ALX3: variants seen among roughly 807,000 people sequenced by gnomAD.
ALX3 encodes homeobox protein aristaless-like 3.
In ALX3, 17 loss-of-function variants were observed where a neutral mutation model predicts 26.3. The ratio of observed to expected loss-of-function variants is 0.65; its 90% confidence interval spans 0.44 to 0.97. ALX3 has a LOEUF of 0.97. Among genes scored for constraint, ALX3 ranks in the 50% least tolerant of loss-of-function variants. ALX3 has a pLI of 0.00. For missense variants in ALX3, 461 were observed against 466.5 expected, an observed-to-expected ratio of 0.99 and a Z score of 0.11; for synonymous variants, 208 against 201.4, an observed-to-expected ratio of 1.03 and a Z score of -0.28.
chr1:110,069,514 C>T (rs1390147760), intron 1 of ALX3, among the ~76,000 whole-genome samples: 2 of 152,162 alleles, frequency 1.3e-5, no homozygotes, highest in Non-Finnish European at 2.9e-5. Flanking sequence ...TTCTCGGATG[C>T]CGGCGCGGTC....
chr1:110,064,633 C>A lies in ALX3; in HGVS notation c.548G>T (p.Arg183Leu), dbSNP rs776355454. 1.2e-6 allele frequency: 2 copies of A among 1,614,144 alleles called. No individual in the cohort carries two copies. The highest frequency in any genetic ancestry group is 1.7e-6 in the Non-Finnish European group (2 of 1,180,038). The change falls in exon 2 of 4, where the codon CGG becomes CTG. Residue 183 changes from arginine (R) to leucine (L), a missense_variant. Arg to Leu is a moderately radical substitution (Grantham distance 102). This residue lies in a region of ALX3 where 51 missense variants were observed against 82.4 expected (regional missense o/e 0.62). Transcript: ENST00000647563. Reference sequence around the variant, plus strand: ...GTCTGTGCGCAGGGCCAGCTGCTCCCGGGCATACACATCAGGATAGTGGGT... The same window carrying A: ...GTCTGTGCGCAGGGCCAGCTGCTCCAGGGCATACACATCAGGATAGTGGGT... ...QKTHYPDVYAREQLALRTDLT... is the reference protein window; with the variant it reads ...QKTHYPDVYALEQLALRTDLT...
rs949335707 is a variant in ALX3, at chr1:110,070,671, G to A, written c.-59C>T. 6 of 1,179,228 alleles carry A rather than the reference G, an allele frequency of 5.1e-6. No homozygotes were observed. Among genetic ancestry groups the A allele is most frequent in the Non-Finnish European group, 6.3e-6 (6 of 955,208 alleles). The allele number at this position is 1,179,228 out of a possible 1,614,324, so 73.0% of individuals were successfully genotyped here. Reference sequence around the variant, plus strand: ...GGGGCTCGCGCTGCCCGCGCCGCCTGTGAGCGCCCGCCAAGGGGGAGGGAC... The same window carrying A: ...GGGGCTCGCGCTGCCCGCGCCGCCTATGAGCGCCCGCCAAGGGGGAGGGAC... On this transcript the variant is annotated 5_prime_UTR_variant, in exon 1 of 4. Coordinates refer to ENST00000647563, the MANE Select transcript of ALX3 (RefSeq NM_006492.3).
At position 110,061,529 on chromosome 1, in the gene ALX3, T is replaced by C. The variant is rs1411410627; in HGVS notation, c.629A>G (p.Lys210Arg). The part of the protein sequence containing the change: ...WFQNRRAKWR[K>R]RERYGKIQEG... ...CTGGATCTTCCCATAACGCTCGCGCTTCCGCCACTTGGCTCTGCGGTTCTG... is the reference window on the plus strand; with the variant it reads ...CTGGATCTTCCCATAACGCTCGCGCCTCCGCCACTTGGCTCTGCGGTTCTG... Residue 210 changes from lysine (K) to arginine (R), a missense_variant, in exon 3 of 4, where the codon AAG becomes AGG. Lys to Arg is a conservative substitution (Grantham distance 26, BLOSUM62 2). Coordinates refer to ENST00000647563, the MANE Select transcript of ALX3 (RefSeq NM_006492.3). 1.2e-6 allele frequency: 2 copies of C among 1,614,118 alleles called. No homozygotes were observed. The highest frequency in any genetic ancestry group is 2.7e-5 in the African/African-American group (2 of 75,036).
At chr1:110,068,297 C>T (rs1653836137) in intron 1 of ALX3, among the ~76,000 whole-genome samples, 1 of 152,250 alleles carries the variant, frequency 6.6e-6, no homozygotes, top group Non-Finnish European at 1.5e-5. Flanking sequence ...GGCGGGTTCC[C>T]TCTTCGCCCG....
intron 1 of ALX3, among the ~76,000 whole-genome samples, chr1:110,066,662 C>T (rs1653799071): frequency 7.7e-6 from 1 of 130,632 alleles, no homozygotes; most frequent in South Asian, 2.5e-4. Flanking sequence ...GTCTTGGTGT[C>T]TTGTGTTTGT....
In ALX3 at chr1:110,070,652, C is replaced by A. The variant is rs1336546077; in HGVS notation, c.-40G>T. On this transcript the variant is annotated 5_prime_UTR_variant, in exon 1 of 4. Coordinates refer to ENST00000647563, the MANE Select transcript of ALX3 (RefSeq NM_006492.3). ...CACAGGCCTCCGGGGCTCCGGGGCT[C>A]GCGCTGCCCGCGCCGCCTGTGAGCG... The A allele has an allele frequency of 4.2e-5, 50 of 1,188,874 alleles. No homozygotes were observed. The highest frequency in any genetic ancestry group is 5.0e-5 in the Non-Finnish European group (48 of 962,458). 73.6% of individuals were successfully genotyped at this position (1,188,874 alleles called of 1,614,324 possible).
chr1:110,063,836 T>C (rs1321974150), intron 2 of ALX3, among the ~76,000 whole-genome samples: 1 of 151,896 alleles, frequency 6.6e-6, no homozygotes, highest in Non-Finnish European at 1.5e-5. Context: ...GCCACCTTCA[T>C]GTGCTTGACA....
chr1:110,070,095 C>T (rs1182963525), intron 1 of ALX3, among the ~76,000 whole-genome samples: 1 of 152,160 alleles, frequency 6.6e-6, no homozygotes, highest in Non-Finnish European at 1.5e-5. Context: ...CTTCCCTCGA[C>T]CTCCCGCCTT....
chr1:110,067,594 G>A (rs1377183136), intron 1 of ALX3, among the ~76,000 whole-genome samples: 1 of 152,218 alleles, frequency 6.6e-6, no homozygotes, highest in African/African-American at 2.4e-5. Context: ...AAGCAGCGCC[G>A]CAGCAGGCCC....
At chr1:110,065,289 A>C (rs1653755883) in intron 1 of ALX3, among the ~76,000 whole-genome samples, 1 of 152,186 alleles carries the variant, frequency 6.6e-6, no homozygotes, top group Admixed American at 6.5e-5. Context: ...GGTGGTTGAC[A>C]TCTCCTGCTC....
In ALX3 at chr1:110,070,499, C is replaced by T; in HGVS notation, c.114G>A (p.Leu38=). ...GCGGGCCGCGGGGCGGCGCGGGGTG[C>T]AGGTGAGGCGCAGCGGCGGGGGTTC... is the stretch of plus-strand genomic sequence containing the variant. ...PQGTPAAAPH[L]HPAPPRGPRL... Residue 38 remains leucine, a synonymous_variant, in exon 1 of 4, where the codon CTG becomes CTA. Coordinates refer to ENST00000647563, the MANE Select transcript of ALX3 (RefSeq NM_006492.3). The T allele has an allele frequency of 1.4e-5, 18 of 1,275,184 alleles. No individual in the cohort carries two copies. Among genetic ancestry groups the T allele is most frequent in the Non-Finnish European group, 1.8e-5 (18 of 1,011,876 alleles). The allele number at this position is 1,275,184 out of a possible 1,614,324, so 79.0% of individuals were successfully genotyped here. A position where few individuals can be genotyped will look rare whatever the true frequency, so the allele number is the denominator to read the frequency against.
chr1:110,065,362 A>T (rs1253957950), intron 1 of ALX3, among the ~76,000 whole-genome samples: 1 of 152,122 alleles, frequency 6.6e-6, no homozygotes, highest in Non-Finnish European at 1.5e-5. Flanking sequence ...CCTTATGCCC[A>T]CGCCTCTGTT....
At chr1:110,068,413 C>G (rs1267903249) in intron 1 of ALX3, among the ~76,000 whole-genome samples, 1 of 152,228 alleles carries the variant, frequency 6.6e-6, no homozygotes, top group African/African-American at 2.4e-5. Flanking sequence ...GCCGCAGGGA[C>G]GCTGGCAGCC....
At chr1:110,065,202 G>A (rs1257317052) in intron 1 of ALX3, among the ~76,000 whole-genome samples, 3 of 152,320 alleles carry the variant, frequency 2.0e-5, no homozygotes, top group Admixed American at 2.0e-4. Context: ...CCACAGGGAC[G>A]TGAGAGGACT....
chr1:110,068,835 CG>C (rs1192396152), intron 1 of ALX3, among the ~76,000 whole-genome samples: 4 of 152,180 alleles, frequency 2.6e-5, no homozygotes, highest in Non-Finnish European at 5.9e-5. Context: ...TTTTCTTTCT[CG>C]GTATTTCGTT....
intron 1 of ALX3, among the ~76,000 whole-genome samples, chr1:110,068,990 G>C (rs1367933169): frequency 1.3e-5 from 2 of 152,222 alleles, no homozygotes; most frequent in Non-Finnish European, 2.9e-5. Context: ...GCGCCTAGCA[G>C]GGACGCGGGC....
rs565870285 is a variant in ALX3, at chr1:110,065,945, A to G, written c.278-1042T>C. Among the ~76,000 whole-genome samples the G allele has an allele frequency of 1.5e-4, 23 of 152,278 alleles. No individual in the cohort carries two copies. In the South Asian group the frequency reaches 4.8e-3, roughly 32 times the overall value. On this transcript the variant is annotated intron_variant, in intron 1 of 3. Coordinates refer to ENST00000647563, the MANE Select transcript of ALX3 (RefSeq NM_006492.3). ...CGGTGTCCCCATGAAATCCCTCCTC[A>G]ACAGTCCACTGGGATGGCAGCTGAG...
intron 1 of ALX3, 74 bp from the exon 2 acceptor site, chr1:110,064,977 G>A (rs1570938317): frequency 3.6e-6 from 5 of 1,392,962 alleles, no homozygotes; most frequent in Non-Finnish European, 4.8e-6. Flanking sequence ...GAGGGAGGGG[G>A]AAGAACATTG....
intron 1 of ALX3, among the ~76,000 whole-genome samples, chr1:110,066,113 TG>T (rs1653774767): frequency 6.6e-6 from 1 of 152,168 alleles, no homozygotes; most frequent in Non-Finnish European, 1.5e-5. Flanking sequence ...GGATCACAGC[TG>T]TGGTTGGGGG....
Sources: allele counts gnomAD v4.1 joint callset (sites outside exome capture counted in the v4.1 genomes callset), GRCh38; gene constraint gnomAD v4.1.1; regional missense constraint gnomAD v4.1.1; transcripts MANE v1.5; gene names NCBI Gene and HGNC (gene_info 2026-07-23, HGNC 2026-07-21).